CPSF1: variants seen among roughly 807,000 people sequenced by gnomAD.
CPSF1 encodes the protein cleavage and polyadenylation specific factor 1, also known as cleavage and polyadenylation specificity factor subunit 1.
CPSF1 carries 106 observed loss-of-function variants against 175.8 expected under a neutral mutation model. That is an observed-to-expected ratio of 0.60 (90% CI 0.52 to 0.71). The LOEUF (loss-of-function observed/expected upper bound fraction) is 0.71, where lower values mean the gene tolerates loss of function less well. CPSF1 is among the 30% of genes least tolerant of loss of function. CPSF1 has a pLI of 0.00. For synonymous variants in CPSF1, 1,024 were observed against 858.3 expected (o/e 1.19, Z -3.37); for missense variants, 1,734 against 2,022.9 (o/e 0.86, Z 2.74).
At position 144,398,460 on chromosome 8, in the gene CPSF1, T is replaced by G. The variant is rs2116850039; in HGVS notation, c.1753-17A>C. ...CTGCAGGATCTGCGGGCGACAGCTG[T>G]GAGGGAGGCGCCCCCCGCAGGGGAC... On this transcript the variant is annotated splice_polypyrimidine_tract_variant and intron_variant, in intron 18 of 37. Coordinates refer to ENST00000616140, the MANE Select transcript of CPSF1 (RefSeq NM_013291.3). 1.9e-6 allele frequency: 3 copies of G among 1,613,484 alleles called. No individual in the cohort carries two copies. The highest frequency in any genetic ancestry group is 2.5e-6 in the Non-Finnish European group (3 of 1,179,902).
chr8:144,394,344 C>T (rs1820563824), intron 32 of CPSF1, 35 bp downstream of exon 32: 1 of 1,588,384 alleles, frequency 6.3e-7, no homozygotes, highest in African/African-American at 1.3e-5. Flanking sequence ...GGGCGGGTAC[C>T]CACCCAGACA....
At position 144,395,256 on chromosome 8, in the gene CPSF1, C is replaced by T. The variant is rs1325273871; in HGVS notation, c.3187+9G>A. 1.3e-5 allele frequency: 21 copies of T among 1,612,674 alleles called. No individual in the cohort carries two copies. The highest frequency in any genetic ancestry group is 2.2e-5 in the South Asian group (2 of 90,992). ...GCTGAGGATGGGAGTATGGTGTGGG[C>T]GTCACCACCTCTCTCGATGGTCTCA... On this transcript the variant is annotated intron_variant, in intron 28 of 37. Transcript: ENST00000616140.
In CPSF1 at chr8:144,399,147, G is replaced by T. The variant is rs1554865406; in HGVS notation, c.1448C>A (p.Pro483His). ...GGGCACCTCTTCAGAGAGGAAGGCA[G>T]GCTCGCCCACGGCGGCATTGGCACA... ...GPCANAAVGE[P>H]AFLSEEFQNS... The change falls in exon 15 of 38, where the codon CCT becomes CAT. Residue 483 changes from proline to histidine, a missense_variant. Around this residue, in one of 10 missense-constraint regions of CPSF1, gnomAD observed 280 missense variants for 349.2 expected, o/e 0.80. Coordinates refer to ENST00000616140, the MANE Select transcript of CPSF1 (RefSeq NM_013291.3). This position sits in a 1 kb window ranked among gnomAD's most constrained non-coding sequence, Gnocchi z 6.4. The T allele has an allele frequency of 1.3e-6, 2 of 1,589,372 alleles. No individual in the cohort carries two copies. Among genetic ancestry groups the T allele is most frequent in the African/African-American group, 2.7e-5 (2 of 74,444 alleles).
Position 144,399,468 on chromosome 8 carries a change from C to T in CPSF1, c.1278G>A (p.Ala426=), listed in dbSNP as rs2116862975. ...GGCCCTCACCTGACCAGCCGGCCGT[C>T]GCATCCACTCGCTTCTTCTTTGAGG... ...EPPSKKKRVD[A]TAGWSAAGKS... The change falls in exon 13 of 38, where the codon GCG becomes GCA. Residue 426 remains alanine (A), a synonymous_variant. Transcript: ENST00000616140. This position sits in a 1 kb window ranked among gnomAD's most constrained non-coding sequence, Gnocchi z 6.4. 8.1e-6 allele frequency: 13 copies of T among 1,613,036 alleles called. No homozygotes were observed. The highest frequency in any genetic ancestry group is 4.5e-5 in the East Asian group (2 of 44,886).
chr8:144,397,000 G>A (rs782039436), intron 23 of CPSF1, 71 bp from the exon 24 acceptor site: 52 of 1,202,286 alleles, frequency 4.3e-5, no homozygotes, highest in Non-Finnish European at 6.2e-5. Context: ...CATGGGAAGA[G>A]GTGGGCTGTG....
intron 26 of CPSF1, 90 bp downstream of exon 26, chr8:144,396,258 G>A (rs981660663): frequency 1.1e-4 from 141 of 1,333,956 alleles, no homozygotes; most frequent in Non-Finnish European, 1.4e-4. Context: ...CCTCAGGGTG[G>A]AGCCAATGGT....
intron 2 of CPSF1, among the ~76,000 whole-genome samples, chr8:144,404,166 T>C (rs2116897177): frequency 1.3e-5 from 2 of 151,712 alleles, no homozygotes; most frequent in Admixed American, 1.3e-4. Context: ...GAGGTTGCAG[T>C]GAGCCAAGAT....
chr8:144,396,069 A>G (rs974305371), intron 26 of CPSF1: 69 of 509,828 alleles, frequency 1.4e-4, no homozygotes, highest in Non-Finnish European at 3.2e-5. Context: ...CTCTCCTGAG[A>G]AGTGTGGAGG....
rs2116886980 is a variant in CPSF1 at position 144,401,719 on chromosome 8, G to A, written c.145-46C>T. 60 of 1,568,690 alleles carry A rather than the reference G, an allele frequency of 3.8e-5. No individual in the cohort carries two copies. The East Asian group carries it at 4.4e-4, about 12-fold the overall frequency. The stretch of plus-strand genomic sequence containing the variant: ...GGGCAGTGAGGGGCCACATCTGGCA[G>A]CTCACCTCATCCGGGGAACGAGAAA... On this transcript the variant is annotated intron_variant, in intron 2 of 37. Coordinates refer to ENST00000616140, the MANE Select transcript of CPSF1 (RefSeq NM_013291.3).
At chr8:144,401,815 T>C in intron 2 of CPSF1, 142 bp from the exon 3 acceptor site, 1 of 880,514 alleles carries the variant, frequency 1.1e-6, no homozygotes, top group South Asian at 1.8e-5. Context: ...GAGAAGGGCT[T>C]CTGGAGACAG....
At position 144,399,000 on chromosome 8, in the gene CPSF1, A is replaced by T. The variant is rs2130772302; in HGVS notation, c.1506T>A (p.Val502=). The T allele has an allele frequency of 6.2e-7, 1 of 1,611,924 alleles. No individual in the cohort carries two copies. Among genetic ancestry groups the T allele is most frequent in the East Asian group, 2.2e-5 (1 of 44,806 alleles). Residue 502 remains valine (V), a synonymous_variant, in exon 16 of 38, where the codon GTT becomes GTA. Transcript: ENST00000616140. ...NSPEPDLEIV[V]CSGHGKNGAL... is the part of the protein sequence containing the mutation. Reference sequence around the variant, plus strand: ...CCCCGTTCTTCCCGTGGCCGGAGCAAACCACAATCTCCAGGTCCGGCTCGG... The same window carrying T: ...CCCCGTTCTTCCCGTGGCCGGAGCATACCACAATCTCCAGGTCCGGCTCGG...
At chr8:144,405,203 A>T (rs1029611924) in intron 2 of CPSF1, among the ~76,000 whole-genome samples, 1 of 152,240 alleles carries the variant, frequency 6.6e-6, no homozygotes, top group Non-Finnish European at 1.5e-5. Context: ...TACCCAACCA[A>T]GCATCAAAGC....
Position 144,399,946 on chromosome 8 carries a change from G to T in CPSF1, c.1031+46C>A. On this transcript the variant is annotated intron_variant, in intron 10 of 37. Coordinates refer to ENST00000616140, the MANE Select transcript of CPSF1 (RefSeq NM_013291.3). The surrounding 1 kb of genome is among the most constrained non-coding windows in gnomAD (Gnocchi z 6.4). ...GGGGCCAGGGGACCCTACAGGACTTGTGGGGGGCGGTGTGGGCAGAGTTCA... is the reference window on the plus strand; with the variant it reads ...GGGGCCAGGGGACCCTACAGGACTTTTGGGGGGCGGTGTGGGCAGAGTTCA... 1 of 1,592,912 alleles carries T rather than the reference G, an allele frequency of 6.3e-7. No homozygotes were observed. The highest frequency in any genetic ancestry group is 8.6e-7 in the Non-Finnish European group (1 of 1,168,524).
rs570401376 is a variant in CPSF1, at chr8:144,397,104, C to T, written c.2592+103G>A. On this transcript the variant is annotated intron_variant, in intron 23 of 37. Transcript: ENST00000616140. ...GTGGAGCCACGGGAAGGGGCGGGGC[C>T]GTGGGGGAGATGGGGTGGAGCCACG... 145 of 721,790 alleles carry T rather than the reference C, an allele frequency of 2.0e-4. 1 individual carries two copies. The highest frequency in any genetic ancestry group is 1.1e-3 in the Middle Eastern group (2 of 1,880). 44.7% of individuals were successfully genotyped at this position (721,790 alleles called of 1,614,324 possible). A position where few individuals can be genotyped will look rare whatever the true frequency, so the allele number is the denominator to read the frequency against.
In CPSF1 at chr8:144,395,569, G is replaced by T; in HGVS notation, c.2980-18C>A. On this transcript the variant is annotated intron_variant, in intron 26 of 37. Transcript: ENST00000616140. ...AGCTCGCCCTGGGGTGGGGGCACAG[G>T]GGTCAGGGGATCCAGGGCTAGCCAA... The T allele has an allele frequency of 1.7e-6, 2 of 1,193,362 alleles. No individual in the cohort carries two copies. Among genetic ancestry groups the T allele is most frequent in the South Asian group, 2.5e-5 (2 of 80,606 alleles). 73.9% of individuals were successfully genotyped at this position (1,193,362 alleles called of 1,614,324 possible). A position where few individuals can be genotyped will look rare whatever the true frequency, so the allele number is the denominator to read the frequency against.
In CPSF1 at chr8:144,397,756, C is replaced by T; in HGVS notation, c.2197G>A (p.Gly733Ser). 3 of 1,606,228 alleles carry T rather than the reference C, an allele frequency of 1.9e-6. No homozygotes were observed. Among genetic ancestry groups the T allele is most frequent in the South Asian group, 1.1e-5 (1 of 90,848 alleles). Residue 733 changes from glycine (G) to serine (S), a missense_variant, in exon 21 of 38, where the codon GGC becomes AGC. Around this residue, in one of 10 missense-constraint regions of CPSF1, gnomAD observed 585 missense variants for 584.7 expected, o/e 1.00. Coordinates refer to ENST00000616140, the MANE Select transcript of CPSF1 (RefSeq NM_013291.3). Reference protein sequence around the residue: ...GRSGPEAEGLGSETSPTVDDE... With the variant: ...GRSGPEAEGLSSETSPTVDDE... ...GCCCCCACGCACCTAGTCTCTGAGC[C>T]CAGGCCCTCGGCCTCCGGGCCACTG...
chr8:144,397,813 G>A lies in CPSF1; in HGVS notation c.2140C>T (p.Leu714=), dbSNP rs1293752606. 1.2e-6 allele frequency: 2 copies of A among 1,611,148 alleles called. No homozygotes were observed. Among genetic ancestry groups the A allele is most frequent in the Non-Finnish European group, 1.7e-6 (2 of 1,179,336 alleles). Residue 714 remains leucine, a synonymous_variant, in exon 21 of 38, where the codon CTG becomes TTG. Coordinates refer to ENST00000616140, the MANE Select transcript of CPSF1 (RefSeq NM_013291.3). ...CCGAGCTCGTCACGGGCCCCACCCA[G>A]GCGGCTCTCAGTGGTGAACATGCCG... is the stretch of plus-strand genomic sequence containing the variant. ...LSGMFTTESR[L]GGARDELGGR...
intron 9 of CPSF1, 31 bp downstream of exon 9, chr8:144,400,135 G>GGGGGGCCCCCCCCCCCCCCCCCCCCCCCC: frequency 1.2e-5 from 11 of 896,002 alleles, no homozygotes; most frequent in Non-Finnish European, 1.8e-5. Flanking sequence ...CCGTCCCCGG[G>GGGGGGCCCCCCCCCCCCCCCCCCCCCCCC]CCCCCCCCGC....
Position 144,394,644 on chromosome 8 carries a change from C to T in CPSF1, c.3567G>A (p.Lys1189=). The T allele has an allele frequency of 6.2e-7, 1 of 1,605,914 alleles. No individual in the cohort carries two copies. Among genetic ancestry groups the T allele is most frequent in the East Asian group, 2.2e-5 (1 of 44,608 alleles). The part of the protein sequence containing the change: ...NGHLVSAIGQ[K]IFLWSLRASE... ...CACACGCCGGGTGGGACTGGCACAC[C>T]TTCTGGCCGATGGCCGACACCAGGT... The change falls in exon 31 of 38, where the codon AAG becomes AAA. Residue 1189 remains lysine, a splice_region_variant and synonymous_variant. Transcript: ENST00000616140.
Sources: gnomAD v4.1 joint callset for allele counts (sites outside exome capture counted in the v4.1 genomes callset) on GRCh38, gnomAD v4.1.1 for gene constraint, gnomAD v4.1.1 regional missense constraint, Gnocchi (gnomAD v3.1) non-coding constraint, MANE v1.5 for transcripts, NCBI Gene and HGNC (gene_info 2026-07-23, HGNC 2026-07-21) for gene names.